The following KANSL2 variants were observed in gnomAD, a reference collection of about 807,000 sequenced individuals.
The protein encoded by KANSL2 is KAT8 regulatory NSL complex subunit 2.
KANSL2 carries 34 observed loss-of-function variants against 55.6 expected under a neutral mutation model. The ratio of observed to expected loss-of-function variants is 0.61; its 90% confidence interval spans 0.46 to 0.81. The LOEUF (loss-of-function observed/expected upper bound fraction) is 0.81. KANSL2 is among the 40% of genes least tolerant of loss of function. The pLI is 0.00. For synonymous variants in KANSL2, 209 were observed against 214.3 expected (o/e 0.98, Z 0.22); for missense variants, 502 against 609.9 (o/e 0.82, Z 1.86).
chr12:48,673,556 T>C (rs1482560647), intron 4 of KANSL2, among the ~76,000 whole-genome samples: 5 of 145,788 alleles, frequency 3.4e-5, no homozygotes, highest in African/African-American at 1.3e-4. Context: ...CAAGACTCCA[T>C]CTCAAAAAAA....
chr12:48,667,981 C>A (rs890903720), intron 6 of KANSL2, among the ~76,000 whole-genome samples, 192 bp from the exon 7 acceptor site: 4 of 152,146 alleles, frequency 2.6e-5, no homozygotes, highest in African/African-American at 9.7e-5. Flanking sequence ...CAACCTCAAT[C>A]CCAAATACAC....
At chr12:48,675,245 A>T (rs1939798838) in intron 4 of KANSL2, among the ~76,000 whole-genome samples, 1 of 151,962 alleles carries the variant, frequency 6.6e-6, no homozygotes, top group Admixed American at 6.6e-5. Flanking sequence ...AAATACAAAA[A>T]AAAGAAAGAA....
chr12:48,660,291 C>G, intron 8 of KANSL2, 75 bp downstream of exon 8: 1 of 1,513,736 alleles, frequency 6.6e-7, no homozygotes, highest in South Asian at 1.2e-5. Context: ...ACCACAAAGA[C>G]TAACCTATTC....
Position 48,653,951 on chromosome 12 carries a change from TG to T in KANSL2, c.*92del. On this transcript the variant is annotated 3_prime_UTR_variant, in exon 10 of 10. Coordinates refer to ENST00000420613, the MANE Select transcript of KANSL2 (RefSeq NM_017822.4). The stretch of plus-strand genomic sequence containing the variant: ...AATCCAGAAGAAAAACAAGGTAGTC[TG>T]GGTTGCCTGTGTTTTGTGAGAGATG... The T allele has an allele frequency of 7.6e-7, 1 of 1,315,900 alleles. No individual in the cohort carries two copies. The highest frequency in any genetic ancestry group is 1.0e-6 in the Non-Finnish European group (1 of 976,736). 81.5% of individuals were successfully genotyped at this position (1,315,900 alleles called of 1,614,324 possible). A position where few individuals can be genotyped will look rare whatever the true frequency, so the allele number is the denominator to read the frequency against.
At chr12:48,681,158 G>T in intron 2 of KANSL2, 1 of 384,736 alleles carries the variant, frequency 2.6e-6, no homozygotes, top group Non-Finnish European at 4.6e-6. Context: ...TTTAGAATAT[G>T]CCTTTATTTT....
chr12:48,681,118 T>TAAAA (rs1057233108), intron 2 of KANSL2: 24 of 131,360 alleles, frequency 1.8e-4, no homozygotes, highest in African/African-American at 4.1e-4. Flanking sequence ...CCATCTCTCT[T>TAAAA]AAAAAAAAAA....
chr12:48,682,233 T>C lies in KANSL2; in HGVS notation c.-56A>G. 1 of 625,210 alleles carries C rather than the reference T, an allele frequency of 1.6e-6. No homozygotes were observed. The highest frequency in any genetic ancestry group is 2.9e-6 in the Non-Finnish European group (1 of 349,258). 38.7% of individuals were successfully genotyped at this position (625,210 alleles called of 1,614,324 possible). On this transcript the variant is annotated 5_prime_UTR_variant, in exon 1 of 10. Coordinates refer to ENST00000420613, the MANE Select transcript of KANSL2 (RefSeq NM_017822.4). ...CACTCTGCCGCGCCGCTCGCCCTTC[T>C]CTAGTGGCGCCAGCGGCTCTCAGAT...
intron 8 of KANSL2, chr12:48,658,665 G>A (rs1592097557): frequency 1.3e-5 from 2 of 152,136 alleles, no homozygotes; most frequent in African/African-American, 4.8e-5. Flanking sequence ...GCAGGAACAG[G>A]AGAATTGCTT....
At chr12:48,664,246 G>C (rs1377231109) in intron 7 of KANSL2, among the ~76,000 whole-genome samples, 1 of 148,548 alleles carries the variant, frequency 6.7e-6, no homozygotes, top group Non-Finnish European at 1.5e-5. Flanking sequence ...TTTTAAATCT[G>C]CCCATAGCCT....
In KANSL2 at chr12:48,667,675, G is replaced by C. The variant is rs767646318; in HGVS notation, c.973+18C>G. On this transcript the variant is annotated intron_variant, in intron 7 of 9. Transcript: ENST00000420613. ...AAACTAGCAAACCACAGCCTTAACA[G>C]GCAGAGTAAAAAGATACGGGTAAGG... 1 of 1,570,286 alleles carries C rather than the reference G, an allele frequency of 6.4e-7. No homozygotes were observed. The highest frequency in any genetic ancestry group is 1.3e-5 in the African/African-American group (1 of 74,114).
intron 4 of KANSL2, among the ~76,000 whole-genome samples, chr12:48,672,431 A>T (rs60433897): frequency 0.31 from 34,822 of 114,112 alleles, 5,176 homozygotes; most frequent in Middle Eastern, 0.35. Flanking sequence ...ATATATATAT[A>T]TATTTTTTTT....
At chr12:48,663,383 A>T (rs1240941416) in intron 7 of KANSL2, among the ~76,000 whole-genome samples, 1 of 152,192 alleles carries the variant, frequency 6.6e-6, no homozygotes, top group African/African-American at 2.4e-5. Flanking sequence ...GAAAAATTGT[A>T]TATTTTAAAT....
At chr12:48,674,019 G>A (rs776506673) in intron 4 of KANSL2, among the ~76,000 whole-genome samples, 37 of 152,144 alleles carry the variant, frequency 2.4e-4, no homozygotes, top group Admixed American at 3.3e-4. Context: ...TTCACTCACC[G>A]TCTGATCATT....
At chr12:48,656,431 G>A (rs1340248766) in intron 8 of KANSL2, among the ~76,000 whole-genome samples, 4 of 151,658 alleles carry the variant, frequency 2.6e-5, no homozygotes, top group African/African-American at 4.8e-5. Flanking sequence ...GTGCCACCAC[G>A]CCCAGCTAAT....
Position 48,660,012 on chromosome 12 carries a change from A to T in KANSL2, c.1227+354T>A, listed in dbSNP as rs1051135985. On this transcript the variant is annotated intron_variant, in intron 8 of 9. Transcript: ENST00000420613. ...GGGAGAAGAAAATGAAGAGTGTCAT[A>T]ATAGGTACTGAGTTTCTTTTGGAGA... Among the ~76,000 whole-genome samples the T allele has an allele frequency of 5.3e-5, 8 of 152,206 alleles. No individual in the cohort carries two copies. The East Asian group carries it at 7.7e-4, about 15-fold the overall frequency.
intron 5 of KANSL2, among the ~76,000 whole-genome samples, chr12:48,670,463 T>C (rs7295138): frequency 0.22 from 34,032 of 152,080 alleles, 4,805 homozygotes; most frequent in Non-Finnish European, 0.33. Flanking sequence ...GATGTGGAGG[T>C]GAAAGACAGT....
intron 7 of KANSL2, among the ~76,000 whole-genome samples, chr12:48,663,176 G>A (rs1479469001): frequency 6.6e-6 from 1 of 152,180 alleles, no homozygotes; most frequent in Non-Finnish European, 1.5e-5. Flanking sequence ...AATATTTCAT[G>A]TAAAAATATT....
intron 7 of KANSL2, among the ~76,000 whole-genome samples, chr12:48,664,879 CTTTT>C (rs367566566): frequency 8.5e-5 from 8 of 94,660 alleles, no homozygotes; most frequent in African/African-American, 2.1e-4. Context: ...ACTGCGCCCG[CTTTT>C]TTTTTTTTTT....
At chr12:48,656,023 A>G (rs1939373927) in intron 8 of KANSL2, among the ~76,000 whole-genome samples, 1 of 152,244 alleles carries the variant, frequency 6.6e-6, no homozygotes, top group Non-Finnish European at 1.5e-5. Flanking sequence ...TGTAATGAAC[A>G]TGTAAGTTCA....
Sources: allele counts gnomAD v4.1 joint callset (sites outside exome capture counted in the v4.1 genomes callset), GRCh38; gene constraint gnomAD v4.1.1; transcripts MANE v1.5; gene names NCBI Gene and HGNC (gene_info 2026-07-23, HGNC 2026-07-21).